Variants in CACNA1C observed in about 807,000 individuals in gnomAD.
CACNA1C encodes calcium voltage-gated channel subunit alpha1 C.
Under a neutral mutation model 229.0 loss-of-function variants are expected in CACNA1C, and 30 were observed. The ratio of observed to expected loss-of-function variants is 0.13; its 90% CI spans 0.10 to 0.18. The LOEUF is 0.18. Ranked by LOEUF, CACNA1C falls within the 10% of genes least tolerant of loss-of-function variation. The pLI is 1.00. For missense variants in CACNA1C, 1,658 were observed against 2,845.0 expected (o/e 0.58, Z 9.49); for synonymous variants, 1,114 against 1,132.5 (o/e 0.98, Z 0.33).
intron 3 of CACNA1C, chr12:2,221,710 A>G (rs908722837): frequency 1.3e-5 from 2 of 152,238 alleles, no homozygotes; most frequent in African/African-American, 4.8e-5. Flanking sequence ...AGAAACAGTC[A>G]GAAATACACA....
At chr12:2,437,876 G>A (rs1187036712) in intron 3 of CACNA1C, among the ~76,000 whole-genome samples, 3 of 149,036 alleles carry the variant, frequency 2.0e-5, no homozygotes, top group East Asian at 2.0e-4. Context: ...GGTGGTAATG[G>A]TGGTGGCGGT....
intron 3 of CACNA1C, among the ~76,000 whole-genome samples, chr12:2,161,295 C>T (rs370625107): frequency 6.9e-4 from 104 of 151,796 alleles, no homozygotes; most frequent in African/African-American, 2.3e-3. Context: ...AGGGGAGAGA[C>T]GGGGGCACTG....
chr12:2,032,207 C>T (rs1197398901), intron 1 of CACNA1C, among the ~76,000 whole-genome samples: 1 of 152,008 alleles, frequency 6.6e-6, no homozygotes, highest in Non-Finnish European at 1.5e-5. Context: ...AACACCCATC[C>T]ATCTCTGCTT....
rs138728166 is a variant in CACNA1C, at chr12:2,180,966, A to G, written c.477+60536A>G. 1.1e-4 allele frequency among the ~76,000 whole-genome samples: 17 copies of G among 152,274 alleles called. No individual in the cohort carries two copies. The East Asian group carries it at 2.7e-3, about 24-fold the overall frequency. ...TTATATTTGTAGCAGTTCTGATGAC[A>G]ACAAGAATAAAATAAAACACCTGGA... On this transcript the variant is annotated intron_variant, in intron 3 of 46. Transcript: ENST00000399655.
chr12:2,610,028 G>C (rs145577382), intron 27 of CACNA1C, among the ~76,000 whole-genome samples: 2,759 of 152,286 alleles, frequency 0.018, 32 homozygotes, highest in Middle Eastern at 0.037. Context: ...GGGAGGCTGA[G>C]GCAGGAGAAT....
chr12:2,688,052 G>A (rs1195263700), intron 45 of CACNA1C, among the ~76,000 whole-genome samples: 5 of 152,216 alleles, frequency 3.3e-5, no homozygotes, highest in Admixed American at 3.3e-4. Context: ...CAGATGGATA[G>A]ACAGCATTCG....
rs146910474 is a variant in CACNA1C at position 2,451,431 on chromosome 12, G to A, written c.617+2316G>A. 7.4e-3 allele frequency among the ~76,000 whole-genome samples: 1,125 copies of A among 152,312 alleles called. 14 individuals carry two copies. The highest frequency in any genetic ancestry group is 0.025 in the African/African-American group (1,040 of 41,560). On this transcript the variant is annotated intron_variant, in intron 4 of 46. Coordinates refer to ENST00000399655, the MANE Select transcript of CACNA1C (RefSeq NM_000719.7). ...GTGGAGGGATGAGGGTGACTTGCAG[G>A]GACGAATTTTGTTTAGGCAAAATTT...
Position 2,348,536 on chromosome 12 carries a change from C to A in CACNA1C, c.478-100440C>A, listed in dbSNP as rs118002522. Among the ~76,000 whole-genome samples, 2 of 152,178 alleles carry A rather than the reference C, an allele frequency of 1.3e-5. No individual in the cohort carries two copies. Among genetic ancestry groups the A allele is most frequent in the African/African-American group, 4.8e-5 (2 of 41,442 alleles). On this transcript the variant is annotated intron_variant, in intron 3 of 46. Coordinates refer to ENST00000399655, the MANE Select transcript of CACNA1C (RefSeq NM_000719.7). The surrounding 1 kb of genome is among the most constrained non-coding windows in gnomAD (Gnocchi z 4.7). ...GTCTCCCCGAGGGAATGGGCTCATA[C>A]GCCGGGTGGGCAAGGATTTCAAGTC...
In CACNA1C at chr12:2,674,660, T is replaced by C. The variant is rs1310983992; in HGVS notation, c.4828+18T>C. ...TGCAGGTGGTGAGTGCTCCCTGGAC[T>C]CCCGCACCTTGGCCACTGCCTGGCC... On this transcript the variant is annotated intron_variant, in intron 39 of 46. Coordinates refer to ENST00000399655, the MANE Select transcript of CACNA1C (RefSeq NM_000719.7). 2.6e-6 allele frequency: 4 copies of C among 1,542,116 alleles called. 1 individual carries two copies. The highest frequency in any genetic ancestry group is 2.4e-5 in the South Asian group (2 of 83,450).
Position 2,432,610 on chromosome 12 carries a change from A to C in CACNA1C, c.478-16366A>C, listed in dbSNP as rs145460778. On this transcript the variant is annotated intron_variant, in intron 3 of 46. Transcript: ENST00000399655. ...GGCCAGGCCTGGGAGACACAGGTGC[A>C]AGTCCAGATAATGGTGCAATCATCT... Among the ~76,000 whole-genome samples, 12 of 152,292 alleles carry C rather than the reference A, an allele frequency of 7.9e-5. No homozygotes were observed. The East Asian group carries it at 1.9e-3, about 25-fold the overall frequency.
intron 3 of CACNA1C, among the ~76,000 whole-genome samples, chr12:2,202,254 A>T (rs2097598994): frequency 6.6e-6 from 1 of 152,188 alleles, no homozygotes; most frequent in Non-Finnish European, 1.5e-5. Flanking sequence ...CCAGGCTGCC[A>T]TGTGGCCTGC....
intron 3 of CACNA1C, among the ~76,000 whole-genome samples, chr12:2,209,375 A>G (rs779734697): frequency 1.1e-4 from 16 of 152,034 alleles, no homozygotes; most frequent in Non-Finnish European, 2.4e-4. Flanking sequence ...ATAGTAAGAA[A>G]CTCACGGGGA....
At chr12:2,276,863 G>C (rs1033009280) in intron 3 of CACNA1C, among the ~76,000 whole-genome samples, 1 of 152,170 alleles carries the variant, frequency 6.6e-6, no homozygotes, top group Non-Finnish European at 1.5e-5. Context: ...CAGCCTGGAA[G>C]CTGGGGCCTG....
rs216031 is a variant in CACNA1C, at chr12:2,647,577, T to C, written c.3913-898T>C. On this transcript the variant is annotated intron_variant, in intron 30 of 46. Coordinates refer to ENST00000399655, the MANE Select transcript of CACNA1C (RefSeq NM_000719.7). The surrounding 1 kb of genome is among the most constrained non-coding windows in gnomAD (Gnocchi z 4.2). ...CAGCTAAGCAAGGCCATCTCCTGCC[T>C]GAGCCTGAGCTTTCAGAACAAGCCC... Among the ~76,000 whole-genome samples, 45,307 of 152,162 alleles carry C rather than the reference T, an allele frequency of 0.3. 8,235 individuals carry two copies. Among genetic ancestry groups the C allele is most frequent in the African/African-American group, 0.52 (21,496 of 41,480 alleles).
intron 3 of CACNA1C, among the ~76,000 whole-genome samples, chr12:2,137,093 C>G (rs7974453): frequency 0.031 from 4,689 of 151,438 alleles, 226 homozygotes; most frequent in African/African-American, 0.085. Flanking sequence ...CAGTCCCCCT[C>G]TCGTGCCGAG....
rs1270846994 is a variant in CACNA1C, at chr12:2,692,856, G to GAATT, written c.*1660_*1663dup. Reference sequence around the variant, plus strand: ...TTGTGCCAAGCGAATATAATGAATTGAATTAAGTTGGTTTTCGGATTCACT... The same window carrying GAATT: ...TTGTGCCAAGCGAATATAATGAATTGAATTAATTAAGTTGGTTTTCGGATTCACT... On this transcript the variant is annotated 3_prime_UTR_variant, in exon 47 of 47. Transcript: ENST00000399655. 3.3e-5 allele frequency: 5 copies of GAATT among 152,560 alleles called. No individual in the cohort carries two copies. Among genetic ancestry groups the GAATT allele is most frequent in the African/African-American group, 1.2e-4 (5 of 41,410 alleles). The allele number at this position is 152,560 out of a possible 1,614,324, so 9.5% of individuals were successfully genotyped here.
At chr12:2,444,926 G>C (rs1226940435) in intron 3 of CACNA1C, among the ~76,000 whole-genome samples, 4 of 152,148 alleles carry the variant, frequency 2.6e-5, no homozygotes, top group Non-Finnish European at 4.4e-5. Context: ...GCCAGTGCCA[G>C]ATTGCAGGGC....
intron 5 of CACNA1C, among the ~76,000 whole-genome samples, chr12:2,471,121 T>A (rs1326336789): frequency 6.6e-6 from 1 of 152,230 alleles, no homozygotes; most frequent in African/African-American, 2.4e-5. Flanking sequence ...TGTGAGCCAC[T>A]GTGCCTGACG....
intron 3 of CACNA1C, among the ~76,000 whole-genome samples, chr12:2,142,439 C>T (rs1250389453): frequency 6.6e-6 from 1 of 151,186 alleles, no homozygotes; most frequent in Non-Finnish European, 1.5e-5. Flanking sequence ...GTACAGTACA[C>T]AATACTTGAT....
Sources: allele counts gnomAD v4.1 joint callset (sites outside exome capture counted in the v4.1 genomes callset), GRCh38; gene constraint gnomAD v4.1.1; non-coding constraint Gnocchi (gnomAD v3.1); transcripts MANE v1.5; gene names NCBI Gene and HGNC (gene_info 2026-07-23, HGNC 2026-07-21).